Variants in GRIA4 observed in about 807,000 individuals in gnomAD.
The protein encoded by GRIA4 is glutamate receptor 4.
Under a neutral mutation model 104.0 loss-of-function variants are expected in GRIA4, and 34 were observed. The observed-to-expected ratio is 0.33, with a 90% CI of 0.25 to 0.44. The LOEUF (loss-of-function observed/expected upper bound fraction) is 0.44, where lower values mean the gene tolerates loss of function less well. Ranked by LOEUF, GRIA4 falls within the 20% of genes least tolerant of loss-of-function variation. The probability of loss-of-function intolerance (pLI) is 1.00; values close to 1 mark genes in which losing one functional copy is unlikely to be tolerated. For synonymous variants in GRIA4, 386 were observed against 381.9 expected, an observed-to-expected ratio of 1.01 and a Z score of -0.13; for missense variants, 750 against 1,096.5, an observed-to-expected ratio of 0.68 and a Z score of 4.46.
intron 3 of GRIA4, among the ~76,000 whole-genome samples, chr11:105,725,602 G>A (rs1268124237): frequency 6.6e-6 from 1 of 152,134 alleles, no homozygotes; most frequent in Non-Finnish European, 1.5e-5. Flanking sequence ...GAAAGCAGGG[G>A]CAAGATGGCT....
chr11:105,945,431 T>C lies in GRIA4; in HGVS notation c.2294+11462T>C, dbSNP rs1741912658. The C allele has an allele frequency of 4.1e-6, 3 of 728,388 alleles. No individual in the cohort carries two copies. In the African/African-American group the frequency reaches 5.7e-5, roughly 14 times the overall value. The allele number at this position is 728,388 out of a possible 1,614,324, so 45.1% of individuals were successfully genotyped here. On this transcript the variant is annotated intron_variant, in intron 14 of 16. Coordinates refer to ENST00000282499, the MANE Select transcript of GRIA4 (RefSeq NM_000829.4). ...GACTTTAATACAAGACCATGTTCTA[T>C]TATTGTTTAACTTTGGGTATTTCTC...
intron 4 of GRIA4, among the ~76,000 whole-genome samples, chr11:105,758,373 T>C (rs1940432552): frequency 6.6e-6 from 1 of 152,100 alleles, no homozygotes; most frequent in Admixed American, 6.6e-5. Flanking sequence ...ACTGATGAAA[T>C]GTGGTTATAA....
intron 3 of GRIA4, among the ~76,000 whole-genome samples, chr11:105,631,215 G>A (rs1951026788): frequency 6.6e-6 from 1 of 152,086 alleles, no homozygotes; most frequent in Non-Finnish European, 1.5e-5. Context: ...TGTGAAAAAA[G>A]CTGTGATTAT....
rs34693227 is a variant in GRIA4, at chr11:105,845,891, A to AAAAC, written c.488-16109_488-16106dup. 8.3e-3 allele frequency among the ~76,000 whole-genome samples: 1,262 copies of AAAAC among 152,162 alleles called. 13 individuals are homozygous for AAAAC. The highest frequency in any genetic ancestry group is 0.037 in the Admixed American group (572 of 15,286). ...GGGCGACAGAGAGAGACTCCGTCTC[A>AAAAC]AAACAAACAAACAAACAAACAAACA... On this transcript the variant is annotated intron_variant, in intron 4 of 16. Coordinates refer to ENST00000282499, the MANE Select transcript of GRIA4 (RefSeq NM_000829.4).
At chr11:105,630,261 T>C (rs1485405735) in intron 3 of GRIA4, among the ~76,000 whole-genome samples, 1 of 152,310 alleles carries the variant, frequency 6.6e-6, no homozygotes, top group East Asian at 1.9e-4. Flanking sequence ...TGGCTTATAA[T>C]AGCATTAAAT....
rs117668698 is a variant in GRIA4 at position 105,976,772 on chromosome 11, C to A, written c.2544+2328C>A. The stretch of plus-strand genomic sequence containing the variant: ...GGGAACATAAGCCACAACAATCCAA[C>A]AAAACCCAGACCATATGTAAAATCA... On this transcript the variant is annotated intron_variant, in intron 16 of 16. Coordinates refer to ENST00000282499, the MANE Select transcript of GRIA4 (RefSeq NM_000829.4). 2.0e-3 allele frequency among the ~76,000 whole-genome samples: 301 copies of A among 152,084 alleles called. 4 individuals are homozygous for A. Among genetic ancestry groups the A allele is most frequent in the East Asian group, 0.019 (96 of 5,184 alleles).
chr11:105,958,900 T>C (rs1006492803), intron 14 of GRIA4, among the ~76,000 whole-genome samples: 2 of 152,224 alleles, frequency 1.3e-5, no homozygotes, highest in African/African-American at 4.8e-5. Context: ...AAATTCTGGG[T>C]TGAAAATTCT....
chr11:105,972,631 C>G (rs2136286187), intron 15 of GRIA4, among the ~76,000 whole-genome samples: 1 of 151,848 alleles, frequency 6.6e-6, no homozygotes, highest in East Asian at 2.0e-4. Flanking sequence ...GTTCTAAGAT[C>G]TCTTAATCAT....
chr11:105,736,870 T>C (rs2135634697), intron 3 of GRIA4, among the ~76,000 whole-genome samples: 1 of 152,194 alleles, frequency 6.6e-6, no homozygotes, highest in South Asian at 2.1e-4. Context: ...GTGATTATTG[T>C]ACCAAGCCAT....
At chr11:105,853,189 A>G (rs1944882366) in intron 4 of GRIA4, among the ~76,000 whole-genome samples, 1 of 152,118 alleles carries the variant, frequency 6.6e-6, no homozygotes, top group Non-Finnish European at 1.5e-5. Flanking sequence ...TCAGTTTTGC[A>G]GGTTAGCTCA....
At chr11:105,952,055 C>T (rs937199471) in intron 14 of GRIA4, among the ~76,000 whole-genome samples, 1 of 152,174 alleles carries the variant, frequency 6.6e-6, no homozygotes, top group Non-Finnish European at 1.5e-5. Flanking sequence ...GAAATCCCTT[C>T]TCAATAAATC....
At chr11:105,699,397 C>A (rs1293122727) in intron 3 of GRIA4, among the ~76,000 whole-genome samples, 1 of 152,138 alleles carries the variant, frequency 6.6e-6, no homozygotes, top group Non-Finnish European at 1.5e-5. Flanking sequence ...CACATTGAAA[C>A]TGGAACAAGA....
intron 4 of GRIA4, among the ~76,000 whole-genome samples, chr11:105,785,616 A>G (rs1941926955): frequency 6.6e-6 from 1 of 152,204 alleles, no homozygotes; most frequent in South Asian, 2.1e-4. Context: ...GGGAACTGAC[A>G]TTATAAATCA....
chr11:105,806,144 C>A (rs1487420416), intron 4 of GRIA4, among the ~76,000 whole-genome samples: 2 of 151,754 alleles, frequency 1.3e-5, no homozygotes, highest in Non-Finnish European at 2.9e-5. Flanking sequence ...GAACTGAATT[C>A]TTTGTTTGTT....
chr11:105,927,230 G>A (rs987021643), intron 13 of GRIA4, among the ~76,000 whole-genome samples: 3 of 152,102 alleles, frequency 2.0e-5, no homozygotes, highest in Admixed American at 1.3e-4. Context: ...TGTTGATAAT[G>A]CTATGATAAT....
At chr11:105,830,525 T>C (rs963922351) in intron 4 of GRIA4, among the ~76,000 whole-genome samples, 5 of 151,986 alleles carry the variant, frequency 3.3e-5, no homozygotes, top group African/African-American at 1.2e-4. Context: ...CCCTATAGAG[T>C]TGATGATGGC....
chr11:105,824,590 G>A (rs1373356659), intron 4 of GRIA4: 1 of 152,028 alleles, frequency 6.6e-6, no homozygotes, highest in African/African-American at 2.4e-5. Flanking sequence ...ACCATATGTT[G>A]TTCTCCCTGG....
chr11:105,879,209 C>A (rs1022024261), intron 5 of GRIA4, among the ~76,000 whole-genome samples: 3 of 152,142 alleles, frequency 2.0e-5, no homozygotes, highest in African/African-American at 4.8e-5. Context: ...GCTCACCCTC[C>A]GTGGGCTGCA....
intron 3 of GRIA4, among the ~76,000 whole-genome samples, chr11:105,659,136 C>T (rs1951931788): frequency 6.6e-6 from 1 of 151,980 alleles, no homozygotes. Flanking sequence ...GCATTAGTTG[C>T]TTCCTCACCC....
Sources: allele counts gnomAD v4.1 joint callset (sites outside exome capture counted in the v4.1 genomes callset), GRCh38; gene constraint gnomAD v4.1.1; transcripts MANE v1.5; gene names NCBI Gene and HGNC (gene_info 2026-07-23, HGNC 2026-07-21).